FAM83B: variants seen among roughly 807,000 people sequenced by gnomAD.
FAM83B encodes scaffolding CK1 anchoring protein B.
A neutral mutation model predicts 38.8 loss-of-function variants in FAM83B; 26 were observed. The observed-to-expected ratio is 0.67, with a 90% CI of 0.49 to 0.93. The LOEUF (loss-of-function observed/expected upper bound fraction) is 0.93. Ranked by LOEUF, FAM83B falls within the 40% of genes least tolerant of loss-of-function variation. The pLI, the probability that FAM83B is intolerant of heterozygous loss-of-function variation, is 0.00. For missense variants in FAM83B, 1,237 were observed against 1,197.3 expected, an observed-to-expected ratio of 1.03 and a Z score of -0.49; for synonymous variants, 419 against 423.1, an observed-to-expected ratio of 0.99 and a Z score of 0.12.
chr6:54,927,623 G>C lies in FAM83B; in HGVS notation c.725G>C (p.Gly242Ala). Residue 242 changes from glycine to alanine, a missense_variant, in exon 4 of 5, where the codon GGT (glycine) becomes GCT (alanine). By Grantham distance (60) the Gly-to-Ala change is moderately conservative. Coordinates refer to ENST00000306858, the MANE Select transcript of FAM83B (RefSeq NM_001010872.3). ...GTTGACTGCCAGAAAGTGATGTACG[G>C]TTCTTACAGGTAAGATCATTGTGTT... is the stretch of plus-strand genomic sequence containing the variant. The part of the protein sequence containing the change: ...LLVDCQKVMY[G>A]SYSYMWSFEK... 1 of 1,593,776 alleles carries C rather than the reference G, an allele frequency of 6.3e-7. No individual in the cohort carries two copies. Among genetic ancestry groups the C allele is most frequent in the Non-Finnish European group, 8.5e-7 (1 of 1,169,696 alleles).
intron 1 of FAM83B, among the ~76,000 whole-genome samples, chr6:54,862,357 A>G (rs2127573447): frequency 6.6e-6 from 1 of 152,300 alleles, no homozygotes; most frequent in South Asian, 2.1e-4. Context: ...TTTGAGCAGC[A>G]TCAGGGTATA....
At chr6:54,913,071 T>G (rs1022692030) in intron 2 of FAM83B, among the ~76,000 whole-genome samples, 5 of 152,100 alleles carry the variant, frequency 3.3e-5, no homozygotes, top group African/African-American at 1.2e-4. Flanking sequence ...TTTGATTTTT[T>G]ATGCTAGGTT....
intron 1 of FAM83B, 81 bp downstream of exon 1, chr6:54,846,907 C>CTGGG (rs1198718150): frequency 2.9e-4 from 31 of 108,412 alleles, no homozygotes; most frequent in African/African-American, 1.2e-3. Context: ...GCTTGGGGTA[C>CTGGG]TGGGGGGGCC....
chr6:54,908,590 C>A (rs1010211936), intron 2 of FAM83B, among the ~76,000 whole-genome samples: 1 of 152,046 alleles, frequency 6.6e-6, no homozygotes, highest in Non-Finnish European at 1.5e-5. Flanking sequence ...AATTGAAGTT[C>A]TCGGACTTAA....
At chr6:54,855,166 T>G (rs181247361) in intron 1 of FAM83B, among the ~76,000 whole-genome samples, 1 of 152,360 alleles carries the variant, frequency 6.6e-6, no homozygotes, top group Admixed American at 6.5e-5. Flanking sequence ...TTATTGAAAC[T>G]GCATATTGAC....
intron 4 of FAM83B, among the ~76,000 whole-genome samples, chr6:54,938,418 T>A (rs1173904834): frequency 6.6e-6 from 1 of 152,212 alleles, no homozygotes; most frequent in East Asian, 1.9e-4. Context: ...GCAGTTCTAC[T>A]TTTAGTTCTT....
In FAM83B at chr6:54,870,604, C is replaced by T. The variant is rs746222343; in HGVS notation, c.358C>T (p.His120Tyr). Residue 120 changes from histidine to tyrosine, a missense_variant, in exon 2 of 5, where the codon CAT (histidine) becomes TAT (tyrosine). Physicochemically the swap from His to Tyr is moderately conservative, Grantham distance 83. Transcript: ENST00000306858. ...GATGCCCGGACTCTTAGGGGGCACC[C>T]ATATAGATCTCCTTTTTCATCCACC... The part of the protein sequence containing the change: ...YVMPGLLGGT[H>Y]IDLLFHPPRA... The T allele has an allele frequency of 6.2e-7, 1 of 1,613,754 alleles. No individual in the cohort carries two copies. Among genetic ancestry groups the T allele is most frequent in the South Asian group, 1.1e-5 (1 of 91,056 alleles).
chr6:54,890,312 G>C (rs967460145), intron 2 of FAM83B, among the ~76,000 whole-genome samples: 1 of 152,010 alleles, frequency 6.6e-6, no homozygotes, highest in Non-Finnish European at 1.5e-5. Flanking sequence ...AAATTGTGCA[G>C]CTAATTCCCA....
intron 2 of FAM83B, among the ~76,000 whole-genome samples, chr6:54,901,868 T>G (rs912006732): frequency 2.0e-5 from 3 of 152,146 alleles, no homozygotes; most frequent in African/African-American, 7.2e-5. Context: ...AAGACTATAT[T>G]TCCTTCCTGT....
At chr6:54,893,419 A>G (rs1772449203) in intron 2 of FAM83B, among the ~76,000 whole-genome samples, 1 of 152,148 alleles carries the variant, frequency 6.6e-6, no homozygotes, top group Admixed American at 6.6e-5. Context: ...AGTCTATACT[A>G]TTTAATGAAA....
chr6:54,865,915 T>A (rs1382027531), intron 1 of FAM83B, among the ~76,000 whole-genome samples: 1 of 151,796 alleles, frequency 6.6e-6, no homozygotes, highest in Non-Finnish European at 1.5e-5. Flanking sequence ...ATCAAATTTA[T>A]TACATATTTA....
In FAM83B at chr6:54,870,340, A is replaced by C; in HGVS notation, c.94A>C (p.Ile32Leu). ...CTACAAGGAATGGTATCGAGTAGCCATTGATATTCTGATTGAACACGGGTT... is the reference window on the plus strand; with the variant it reads ...CTACAAGGAATGGTATCGAGTAGCCCTTGATATTCTGATTGAACACGGGTT... ...PHYKEWYRVA[I>L]DILIEHGLEA... Residue 32 changes from isoleucine to leucine, a missense_variant, in exon 2 of 5, where the codon ATT becomes CTT. Physicochemically the swap from Ile to Leu is conservative, Grantham distance 5. Coordinates refer to ENST00000306858, the MANE Select transcript of FAM83B (RefSeq NM_001010872.3). 6.2e-7 allele frequency: 1 copy of C among 1,614,018 alleles called. No homozygotes were observed. Among genetic ancestry groups the C allele is most frequent in the Non-Finnish European group, 8.5e-7 (1 of 1,179,904 alleles).
intron 1 of FAM83B, among the ~76,000 whole-genome samples, chr6:54,868,814 C>T (rs969826931): frequency 1.3e-5 from 2 of 152,144 alleles, no homozygotes; most frequent in Non-Finnish European, 2.9e-5. Context: ...ATTCCTGTAT[C>T]ATATTTAATC....
At chr6:54,880,457 T>TTTTG (rs1554145325) in intron 2 of FAM83B, among the ~76,000 whole-genome samples, 2 of 148,022 alleles carry the variant, frequency 1.4e-5, no homozygotes, top group African/African-American at 2.5e-5. Context: ...TTTTTTTTTT[T>TTTTG]TTTTTGAGAC....
At chr6:54,846,393 C>T (rs1771133266), upstream of FAM83B, among the ~76,000 whole-genome samples, 2 of 152,198 alleles carry the variant, frequency 1.3e-5, no homozygotes, top group South Asian at 4.1e-4. Context: ...CCTAGATCCG[C>T]CTTCTTCCCA....
chr6:54,921,173 T>C (rs1343963275), intron 2 of FAM83B, among the ~76,000 whole-genome samples: 1 of 152,002 alleles, frequency 6.6e-6, no homozygotes, highest in African/African-American at 2.4e-5. Flanking sequence ...GTCTCTTTCA[T>C]TCTACTGTAT....
intron 2 of FAM83B, among the ~76,000 whole-genome samples, chr6:54,891,838 A>G (rs566381140): frequency 2.0e-5 from 3 of 151,950 alleles, no homozygotes; most frequent in Non-Finnish European, 4.4e-5. Flanking sequence ...TTTTCTTAAA[A>G]TAGAGATGGG....
At chr6:54,885,681 A>G (rs1253497962) in intron 2 of FAM83B, among the ~76,000 whole-genome samples, 1 of 152,036 alleles carries the variant, frequency 6.6e-6, no homozygotes, top group African/African-American at 2.4e-5. Context: ...AATACTTGCT[A>G]TACAAAACCA....
At chr6:54,923,733 A>G (rs1403575646) in intron 2 of FAM83B, among the ~76,000 whole-genome samples, 4 of 152,100 alleles carry the variant, frequency 2.6e-5, no homozygotes, top group Non-Finnish European at 5.9e-5. Flanking sequence ...TCAGAAGAGA[A>G]CATCCACAGC....
Sources: allele counts gnomAD v4.1 joint callset (sites outside exome capture counted in the v4.1 genomes callset), GRCh38; gene constraint gnomAD v4.1.1; transcripts MANE v1.5; gene names NCBI Gene and HGNC (gene_info 2026-07-23, HGNC 2026-07-21).